Variants in RRAS observed in about 807,000 individuals in gnomAD.
RRAS encodes ras-related protein R-Ras.
Under a neutral mutation model 23.3 loss-of-function variants are expected in RRAS, and 18 were observed. The observed-to-expected ratio is 0.77, with a 90% CI of 0.53 to 1.15. The LOEUF is 1.15. Among genes scored for constraint, RRAS ranks in the 50% most tolerant of loss-of-function variants. The probability of loss-of-function intolerance (pLI) is 0.00; values close to 1 mark genes in which losing one functional copy is unlikely to be tolerated. For synonymous variants in RRAS, 133 were observed against 138.3 expected, an observed-to-expected ratio of 0.96 and a Z score of 0.27; for missense variants, 291 against 317.1, an observed-to-expected ratio of 0.92 and a Z score of 0.62.
intron 1 of RRAS, among the ~76,000 whole-genome samples, chr19:49,639,438 C>A (rs374172833): frequency 0.014 from 1,653 of 119,852 alleles, no homozygotes; most frequent in African/African-American, 0.015. Context: ...GACTCTGTCT[C>A]AAAAAAAAAA....
rs575165659 is a variant in RRAS, at chr19:49,636,118, G to A, written c.454-266C>T. ...CAGGCAGGGAAGTCAGGGTGTTCCC[G>A]GCAGAGGCAGGCGGAACCCCAAAGC... On this transcript the variant is annotated intron_variant, in intron 4 of 5. Coordinates refer to ENST00000246792, the MANE Select transcript of RRAS (RefSeq NM_006270.5). This position sits in a 1 kb window ranked among gnomAD's most constrained non-coding sequence, Gnocchi z 4.5. Among the ~76,000 whole-genome samples the A allele has an allele frequency of 1.6e-4, 25 of 152,170 alleles. No individual in the cohort carries two copies. The highest frequency in any genetic ancestry group is 2.9e-4 in the African/African-American group (12 of 41,432).
chr19:49,635,562 C>G lies in RRAS; in HGVS notation c.*14G>C. ...TCCCGAGAGCTTGTGGTGGTTGCTT[C>G]TCTCTTGCCTGGGCTACAGGAGGAC... On this transcript the variant is annotated 3_prime_UTR_variant, in exon 6 of 6. Coordinates refer to ENST00000246792, the MANE Select transcript of RRAS (RefSeq NM_006270.5). 7.1e-7 allele frequency: 1 copy of G among 1,412,242 alleles called. No individual in the cohort carries two copies. The highest frequency in any genetic ancestry group is 9.3e-7 in the Non-Finnish European group (1 of 1,072,418). The allele number at this position is 1,412,242 out of a possible 1,614,324, so 87.5% of individuals were successfully genotyped here.
chr19:49,639,226 G>A (rs1281466038), intron 1 of RRAS, among the ~76,000 whole-genome samples: 1 of 151,928 alleles, frequency 6.6e-6, no homozygotes, highest in African/African-American at 2.4e-5. Context: ...TCAGGAGTTC[G>A]AGACCAGTCC....
intron 1 of RRAS, 81 bp from the exon 2 acceptor site, chr19:49,637,211 T>C (rs1265976547): frequency 2.1e-6 from 2 of 950,354 alleles, no homozygotes; most frequent in East Asian, 5.2e-5. Flanking sequence ...CCTCTCTCAG[T>C]CTCTGTCCCT....
At position 49,636,917 on chromosome 19, in the gene RRAS, G is replaced by A. The variant is rs2080999420; in HGVS notation, c.251C>T (p.Thr84Ile). The change falls in exon 3 of 6, where the codon ACC (threonine) becomes ATC (isoleucine). Residue 84 changes from threonine to isoleucine, a missense_variant. Coordinates refer to ENST00000246792, the MANE Select transcript of RRAS (RefSeq NM_006270.5). This position sits in a 1 kb window ranked among gnomAD's most constrained non-coding sequence, Gnocchi z 4.5. ...GIPARLDILD[T>I]AGQEEFGAMR... ...GGCCCCGAACTCTTCCTGGCCCGCG[G>A]TGTCCAGGACTGCAGAGACAGGGAG... is the stretch of plus-strand genomic sequence containing the variant. The A allele has an allele frequency of 6.2e-7, 1 of 1,613,162 alleles. No individual in the cohort carries two copies. The highest frequency in any genetic ancestry group is 8.5e-7 in the Non-Finnish European group (1 of 1,179,922).
Position 49,636,689 on chromosome 19 carries a change from C to T in RRAS, c.383G>A (p.Arg128Gln), listed in dbSNP as rs749320172. Reference sequence around the variant, plus strand: ...GGGGAAGTCGTCGCGGTCCTTGACCCGCAGAATCTGCGTGAAGAGCTTGCC... The same window carrying T: ...GGGGAAGTCGTCGCGGTCCTTGACCTGCAGAATCTGCGTGAAGAGCTTGCC... The part of the protein sequence containing the change: ...EVGKLFTQIL[R>Q]VKDRDDFPVV... Residue 128 changes from arginine to glutamine, a missense_variant, in exon 4 of 6, where the codon CGG becomes CAG. Transcript: ENST00000246792. The surrounding 1 kb of genome is among the most constrained non-coding windows in gnomAD (Gnocchi z 4.5). 23 of 1,614,124 alleles carry T rather than the reference C, an allele frequency of 1.4e-5. No individual in the cohort carries two copies. The highest frequency in any genetic ancestry group is 6.7e-5 in the African/African-American group (5 of 75,044).
Position 49,635,863 on chromosome 19 carries a change from G to T in RRAS, c.454-11C>A, listed in dbSNP as rs1316671612. 9.0e-7 allele frequency: 1 copy of T among 1,110,878 alleles called. No homozygotes were observed. The highest frequency in any genetic ancestry group is 1.3e-6 in the Non-Finnish European group (1 of 750,528). The allele number at this position is 1,110,878 out of a possible 1,614,324, so 68.8% of individuals were successfully genotyped here. ...TTCTGATCGGGGGACCTGGGGGTAG[G>T]GGGGACACGGGGGAGTCAGGTCCCT... On this transcript the variant is annotated splice_polypyrimidine_tract_variant and intron_variant, in intron 4 of 5. Transcript: ENST00000246792.
At position 49,635,613 on chromosome 19, in the gene RRAS, C is replaced by T; in HGVS notation, c.620G>A (p.Arg207Lys). 6 of 1,433,132 alleles carry T rather than the reference C, an allele frequency of 4.2e-6. No homozygotes were observed. Among genetic ancestry groups the T allele is most frequent in the Non-Finnish European group, 5.5e-6 (6 of 1,083,122 alleles). 88.8% of individuals were successfully genotyped at this position (1,433,132 alleles called of 1,614,324 possible). A position where few individuals can be genotyped will look rare whatever the true frequency, so the allele number is the denominator to read the frequency against. Residue 207 changes from arginine to lysine, a missense_variant, in exon 6 of 6, where the codon AGG becomes AAG. Physicochemically the swap from Arg to Lys is conservative, Grantham distance 26 (BLOSUM62 2). Coordinates refer to ENST00000246792, the MANE Select transcript of RRAS (RefSeq NM_006270.5). ...GCAGGGGCAGCCCCCGCCCTTCTTC[C>T]TGGGGGCACTGGGAGGGCTCGGTGG... Reference protein sequence around the residue: ...ELPPSPPSAPRKKGGGCPCVL... With the variant: ...ELPPSPPSAPKKKGGGCPCVL...
rs1384653682 is a variant in RRAS, at chr19:49,635,823, G to A, written c.483C>T (p.Gly161=). The A allele has an allele frequency of 5.1e-6, 8 of 1,581,080 alleles. No homozygotes were observed. The highest frequency in any genetic ancestry group is 2.3e-5 in the East Asian group (1 of 43,002). The change falls in exon 5 of 6, where the codon GGC becomes GGT. Residue 161 remains glycine, a synonymous_variant. Transcript: ENST00000246792. ...QVPRSEASAF[G]ASHHVAYFEA... is the part of the protein sequence containing the mutation. ...CAAAGTAGGCCACGTGGTGGGAGGCGCCGAAGGCAGAGGCTTCTGATCGGG... is the reference window on the plus strand; with the variant it reads ...CAAAGTAGGCCACGTGGTGGGAGGCACCGAAGGCAGAGGCTTCTGATCGGG...
rs1017555483 is a variant in RRAS at position 49,636,623 on chromosome 19, C to T, written c.449G>A (p.Arg150His). 11 of 1,612,342 alleles carry T rather than the reference C, an allele frequency of 6.8e-6. No individual in the cohort carries two copies. The highest frequency in any genetic ancestry group is 5.5e-5 in the South Asian group (5 of 91,050). Residue 150 changes from arginine (R) to histidine (H), a missense_variant, in exon 4 of 6, where the codon CGC becomes CAC. Arg to His is a conservative substitution (Grantham distance 29, BLOSUM62 0). Transcript: ENST00000246792. The surrounding 1 kb of genome is among the most constrained non-coding windows in gnomAD (Gnocchi z 4.5). ...AGAAAGAGGGGTGTCCCGAACCTGG[C>T]GCTGTGACTCCAGATCTGCCTTGTT... ...VGNKADLESQ[R>H]QVPRSEASAF...
chr19:49,640,010 T>A lies in RRAS; in HGVS notation c.89A>T (p.His30Leu). Residue 30 changes from histidine to leucine, a missense_variant, in exon 1 of 6, where the codon CAC becomes CTC. Transcript: ENST00000246792. ...GPGDPPPSET[H>L]KLVVVGGGGV... ...GCCGCCGCCCACGACCACCAGCTTG[T>A]GTGTCTCGCTGGGCGGGGGGTCCCC... 6.4e-7 allele frequency: 1 copy of A among 1,573,636 alleles called. No individual in the cohort carries two copies. The highest frequency in any genetic ancestry group is 1.1e-5 in the South Asian group (1 of 88,414).
rs751721094 is a variant in RRAS at position 49,637,122 on chromosome 19, G to A, written c.162C>T (p.Phe54=). ...CAATAGTGGGGTCGTAGTCAGACAC[G>A]AAGTAGGACTGGCGGGGTGGGGAGA... ...ALTIQFIQSY[F]VSDYDPTIED... The change falls in exon 2 of 6, where the codon TTC becomes TTT. Residue 54 remains phenylalanine (F), a synonymous_variant. Transcript: ENST00000246792. 19 of 1,612,332 alleles carry A rather than the reference G, an allele frequency of 1.2e-5. No individual in the cohort carries two copies. The African/African-American group carries it at 1.2e-4, about 10-fold the overall frequency.
intron 1 of RRAS, among the ~76,000 whole-genome samples, chr19:49,638,699 CAG>C (rs1023304792): frequency 1.3e-5 from 2 of 151,984 alleles, no homozygotes; most frequent in Non-Finnish European, 2.9e-5. Context: ...GGAGGTGGCT[CAG>C]GGGTTTTGGG....
At position 49,635,346 on chromosome 19, in the gene RRAS, G is replaced by A. The variant is rs906352101; in HGVS notation, c.*230C>T. On this transcript the variant is annotated 3_prime_UTR_variant, in exon 6 of 6. Coordinates refer to ENST00000246792, the MANE Select transcript of RRAS (RefSeq NM_006270.5). ...GGGGAGGGGAGTTATATACAGCAGTGACCCGGAGCCCCTCACCCCCACCAG... is the reference window on the plus strand; with the variant it reads ...GGGGAGGGGAGTTATATACAGCAGTAACCCGGAGCCCCTCACCCCCACCAG... The A allele has an allele frequency of 1.4e-5, 5 of 368,186 alleles. No homozygotes were observed. Among genetic ancestry groups the A allele is most frequent in the Non-Finnish European group, 2.4e-5 (5 of 206,540 alleles). 22.8% of individuals were successfully genotyped at this position (368,186 alleles called of 1,614,324 possible).
At chr19:49,637,157 C>T (rs2081000836) in intron 1 of RRAS, 27 bp from the exon 2 acceptor site, 3 of 1,564,780 alleles carry the variant, frequency 1.9e-6, no homozygotes, top group African/African-American at 1.4e-5. Flanking sequence ...AGGATAGTTA[C>T]TGCAGTGCCC....
At position 49,635,521 on chromosome 19, in the gene RRAS, G is replaced by A. The variant is rs1440729357; in HGVS notation, c.*55C>T. ...TGAGGGCCTCAGGTCACACAGCAAGGTGCGAAGGCAGCTAGTCCCGAGAGC... is the reference window on the plus strand; with the variant it reads ...TGAGGGCCTCAGGTCACACAGCAAGATGCGAAGGCAGCTAGTCCCGAGAGC... On this transcript the variant is annotated 3_prime_UTR_variant, in exon 6 of 6. Coordinates refer to ENST00000246792, the MANE Select transcript of RRAS (RefSeq NM_006270.5). 1.3e-5 allele frequency: 15 copies of A among 1,166,398 alleles called. No homozygotes were observed. The highest frequency in any genetic ancestry group is 1.7e-5 in the Non-Finnish European group (15 of 860,418). 72.3% of individuals were successfully genotyped at this position (1,166,398 alleles called of 1,614,324 possible).
chr19:49,636,169 G>C lies in RRAS; in HGVS notation c.454-317C>G, dbSNP rs1467794095. Among the ~76,000 whole-genome samples, 1 of 152,156 alleles carries C rather than the reference G, an allele frequency of 6.6e-6. No homozygotes were observed. Among genetic ancestry groups the C allele is most frequent in the Non-Finnish European group, 1.5e-5 (1 of 68,030 alleles). On this transcript the variant is annotated intron_variant, in intron 4 of 5. Coordinates refer to ENST00000246792, the MANE Select transcript of RRAS (RefSeq NM_006270.5). The surrounding 1 kb of genome is among the most constrained non-coding windows in gnomAD (Gnocchi z 4.5). ...CTGGAAATCCCCAGAGCCTTTGCCA[G>C]ATGGATGAGTTCTGTGTGGAAATCG...
chr19:49,635,854 TGGGGGTAG>T lies in RRAS; in HGVS notation c.454-10_454-3del. On this transcript the variant is annotated splice_polypyrimidine_tract_variant and splice_region_variant and intron_variant, in intron 4 of 5. Coordinates refer to ENST00000246792, the MANE Select transcript of RRAS (RefSeq NM_006270.5). ...GGCAGAGGCTTCTGATCGGGGGACC[TGGGGGTAG>T]GGGGGACACGGGGGAGTCAGGTCCC... 3.0e-6 allele frequency: 1 copy of T among 331,912 alleles called. No homozygotes were observed. Among genetic ancestry groups the T allele is most frequent in the Non-Finnish European group, 4.9e-6 (1 of 204,650 alleles). 20.6% of individuals were successfully genotyped at this position (331,912 alleles called of 1,614,324 possible).
At chr19:49,639,925 T>C in intron 1 of RRAS, 21 bp downstream of exon 1, 1 of 1,569,108 alleles carries the variant, frequency 6.4e-7, no homozygotes, top group Non-Finnish European at 8.6e-7. Context: ...GGGGACACCC[T>C]CCCGGGTGAG....
Sources: gnomAD v4.1 joint callset for allele counts (sites outside exome capture counted in the v4.1 genomes callset) on GRCh38, gnomAD v4.1.1 for gene constraint, Gnocchi (gnomAD v3.1) non-coding constraint, MANE v1.5 for transcripts, NCBI Gene and HGNC (gene_info 2026-07-23, HGNC 2026-07-21) for gene names.